Variants in ZNF461 observed in about 807,000 individuals in gnomAD.
ZNF461 encodes the protein zinc finger protein 461.
ZNF461 carries 16 observed loss-of-function variants against 18.3 expected under a neutral mutation model. The observed-to-expected ratio is 0.88, with a 90% confidence interval of 0.59 to 1.33. ZNF461 has a LOEUF of 1.33. Among genes scored for constraint, ZNF461 ranks in the 40% most tolerant of loss-of-function variants. The pLI, the probability that ZNF461 is intolerant of heterozygous loss-of-function variation, is 0.00. For synonymous variants in ZNF461, 179 were observed against 216.9 expected (o/e 0.83, Z 1.54); for missense variants, 595 against 669.9 (o/e 0.89, Z 1.23).
chr19:36,640,391 C>T (rs2037403551), intron 5 of ZNF461, among the ~76,000 whole-genome samples: 1 of 152,210 alleles, frequency 6.6e-6, no homozygotes, highest in Non-Finnish European at 1.5e-5. Flanking sequence ...TTAACACTAT[C>T]AGGCCAAAGG....
intron 2 of ZNF461, among the ~76,000 whole-genome samples, chr19:36,658,965 C>T (rs2037772610): frequency 6.6e-6 from 1 of 152,168 alleles, no homozygotes; most frequent in Non-Finnish European, 1.5e-5. Context: ...AAGGTCTGTG[C>T]CCCCTTCTCT....
intron 4 of ZNF461, among the ~76,000 whole-genome samples, chr19:36,645,887 C>T (rs1342470170): frequency 2.6e-5 from 4 of 152,262 alleles, no homozygotes; most frequent in South Asian, 2.1e-4. Context: ...CGGGTTCAAG[C>T]GATTTTCCTG....
chr19:36,655,453 G>A (rs2037700085), intron 4 of ZNF461, among the ~76,000 whole-genome samples: 1 of 152,146 alleles, frequency 6.6e-6, no homozygotes, highest in East Asian at 1.9e-4. Flanking sequence ...TAAAAAATTA[G>A]CCATGCATGG....
chr19:36,642,970 T>C (rs1228328983), intron 5 of ZNF461, among the ~76,000 whole-genome samples: 1 of 152,052 alleles, frequency 6.6e-6, no homozygotes, highest in Non-Finnish European at 1.5e-5. Context: ...GGTTTCACCA[T>C]GCTGGCCAGG....
intron 4 of ZNF461, among the ~76,000 whole-genome samples, chr19:36,645,704 A>G (rs2037514188): frequency 6.6e-6 from 1 of 152,180 alleles, no homozygotes; most frequent in Non-Finnish European, 1.5e-5. Context: ...TATACAATAC[A>G]GTACTGCAAA....
At chr19:36,660,556 AG>A (rs1430352774) in intron 2 of ZNF461, among the ~76,000 whole-genome samples, 1 of 152,086 alleles carries the variant, frequency 6.6e-6, no homozygotes, top group African/African-American at 2.4e-5. Flanking sequence ...CAGGAATTTT[AG>A]CTCCTGGCTC....
chr19:36,659,304 C>T (rs552525018), intron 2 of ZNF461, among the ~76,000 whole-genome samples: 4 of 152,260 alleles, frequency 2.6e-5, no homozygotes, highest in Non-Finnish European at 5.9e-5. Flanking sequence ...GCGATCCCTA[C>T]TGAGCTCTGC....
At chr19:36,666,322 G>C (rs1304816935) in intron 1 of ZNF461, among the ~76,000 whole-genome samples, 1 of 151,972 alleles carries the variant, frequency 6.6e-6, no homozygotes, top group African/African-American at 2.4e-5. Flanking sequence ...TCGAACTCCC[G>C]ACATCAGGGC....
intron 5 of ZNF461, chr19:36,643,574 A>G (rs896847518): frequency 4.1e-5 from 13 of 318,664 alleles, no homozygotes; most frequent in African/African-American, 2.8e-4. Flanking sequence ...TGCCTTTTTT[A>G]CTTATTCTCT....
intron 4 of ZNF461, among the ~76,000 whole-genome samples, chr19:36,652,064 T>C (rs2037636388): frequency 6.6e-6 from 1 of 152,164 alleles, no homozygotes; most frequent in African/African-American, 2.4e-5. Context: ...GAAAAAGCTA[T>C]TCACTTGAGA....
chr19:36,653,625 C>T (rs902362551), intron 4 of ZNF461, among the ~76,000 whole-genome samples: 3 of 152,054 alleles, frequency 2.0e-5, no homozygotes, highest in African/African-American at 4.8e-5. Flanking sequence ...GAGAGCCAAG[C>T]GAAAGGGGAA....
At position 36,636,835 on chromosome 19, in the gene ZNF461, T is replaced by TA. The variant is rs1353165482; in HGVS notation, c.*1817dup. On this transcript the variant is annotated 3_prime_UTR_variant, in exon 6 of 6. Coordinates refer to ENST00000588268, the MANE Select transcript of ZNF461 (RefSeq NM_153257.5). Reference sequence around the variant, plus strand: ...TTAACTACTGATTTATTCTTTTACTTATCAGAGAGCAGCTGTGGGGAGTGG... The same window carrying TA: ...TTAACTACTGATTTATTCTTTTACTTAATCAGAGAGCAGCTGTGGGGAGTGG... Among the ~76,000 whole-genome samples, 3 of 152,194 alleles carry TA rather than the reference T, an allele frequency of 2.0e-5. No homozygotes were observed. The highest frequency in any genetic ancestry group is 7.2e-5 in the African/African-American group (3 of 41,448).
At chr19:36,650,167 C>G (rs998234747) in intron 4 of ZNF461, among the ~76,000 whole-genome samples, 1 of 151,734 alleles carries the variant, frequency 6.6e-6, no homozygotes, top group Non-Finnish European at 1.5e-5. Flanking sequence ...AGTGAGACTC[C>G]GTCTTAAAAC....
chr19:36,663,031 A>T (rs1184994369), intron 2 of ZNF461, among the ~76,000 whole-genome samples: 2 of 152,136 alleles, frequency 1.3e-5, no homozygotes, highest in African/African-American at 4.8e-5. Context: ...TCTGCTCTAA[A>T]TTTTACTTTA....
At chr19:36,660,449 C>T (rs1038062481) in intron 2 of ZNF461, among the ~76,000 whole-genome samples, 10 of 151,980 alleles carry the variant, frequency 6.6e-5, no homozygotes, top group African/African-American at 2.4e-4. Context: ...TGCACCTGGG[C>T]CCCTTCTCTA....
chr19:36,638,093 G>A lies in ZNF461; in HGVS notation c.*560C>T, dbSNP rs2037331707. ...ATTAGAAACAACTTCAATGTCTGTA[G>A]TAGGTAATGGCCCAAAATACGGACA... On this transcript the variant is annotated 3_prime_UTR_variant, in exon 6 of 6. Transcript: ENST00000588268. 1 of 202,464 alleles carries A rather than the reference G, an allele frequency of 4.9e-6. No homozygotes were observed. Among genetic ancestry groups the A allele is most frequent in the Non-Finnish European group, 1.0e-5 (1 of 98,934 alleles). 12.5% of individuals were successfully genotyped at this position (202,464 alleles called of 1,614,324 possible).
chr19:36,637,090 A>T lies in ZNF461; in HGVS notation c.*1563T>A, dbSNP rs1453161026. On this transcript the variant is annotated 3_prime_UTR_variant, in exon 6 of 6. Transcript: ENST00000588268. ...GCACTCCACAAGCCCTTTTCCCAAC[A>T]GTTCTACCAAAAGTAACTTCCACTC... 6.6e-6 allele frequency: 1 copy of T among 152,220 alleles called. No individual in the cohort carries two copies. Among genetic ancestry groups the T allele is most frequent in the East Asian group, 1.9e-4 (1 of 5,192 alleles). The allele number at this position is 152,220 out of a possible 1,614,324, so 9.4% of individuals were successfully genotyped here. A position where few individuals can be genotyped will look rare whatever the true frequency, so the allele number is the denominator to read the frequency against.
intron 5 of ZNF461, among the ~76,000 whole-genome samples, chr19:36,642,760 T>TGG (rs146971400): frequency 4.6e-5 from 3 of 64,578 alleles, no homozygotes; most frequent in African/African-American, 1.8e-4. Flanking sequence ...GTGTTTTTGG[T>TGG]GGGGGGGGGT....
rs556330030 is a variant in ZNF461 at position 36,638,927 on chromosome 19, A to G, written c.1418T>C (p.Ile473Thr). 2 of 1,605,810 alleles carry G rather than the reference A, an allele frequency of 1.2e-6. No individual in the cohort carries two copies. Among genetic ancestry groups the G allele is most frequent in the Non-Finnish European group, 1.7e-6 (2 of 1,174,674 alleles). ...HTGEKPHECMICGKAFRLHSH... is the reference protein window; with the variant it reads ...HTGEKPHECMTCGKAFRLHSH... ...ATGAAGTCTAAAGGCCTTACCACAT[A>G]TCATGCATTCATGAGGTTTCTCACC... The change falls in exon 6 of 6, where the codon ATA becomes ACA. Residue 473 changes from isoleucine to threonine, a missense_variant. Coordinates refer to ENST00000588268, the MANE Select transcript of ZNF461 (RefSeq NM_153257.5).
Sources: allele counts gnomAD v4.1 joint callset (sites outside exome capture counted in the v4.1 genomes callset), GRCh38; gene constraint gnomAD v4.1.1; transcripts MANE v1.5; gene names NCBI Gene and HGNC (gene_info 2026-07-23, HGNC 2026-07-21).